Variants in BBS9 observed in about 807,000 individuals in gnomAD.
BBS9 encodes the protein Bardet-Biedl syndrome 9, also known as protein PTHB1.
BBS9 carries 89 observed loss-of-function variants against 117.7 expected under a neutral mutation model. The observed-to-expected ratio is 0.76, with a 90% CI of 0.64 to 0.90. BBS9 has a LOEUF of 0.90. Ranked by LOEUF, BBS9 falls within the 40% of genes least tolerant of loss-of-function variation. The pLI, the probability that BBS9 is intolerant of heterozygous loss-of-function variation, is 0.00. For missense variants in BBS9, 982 were observed against 1,042.2 expected (o/e 0.94, Z 0.80); for synonymous variants, 379 against 370.9 (o/e 1.02, Z -0.25).
chr7:33,227,371 C>G (rs1432893139), intron 5 of BBS9, among the ~76,000 whole-genome samples: 1 of 152,090 alleles, frequency 6.6e-6, no homozygotes, highest in Non-Finnish European at 1.5e-5. Context: ...TAGTCTCAAA[C>G]TCTTGACCTC....
intron 19 of BBS9, among the ~76,000 whole-genome samples, chr7:33,476,114 T>C (rs950308882): frequency 6.6e-6 from 1 of 152,244 alleles, no homozygotes; most frequent in African/African-American, 2.4e-5. Context: ...TTACAAAATT[T>C]ATAACATTTT....
intron 5 of BBS9, among the ~76,000 whole-genome samples, chr7:33,218,670 T>C (rs1389937769): frequency 6.6e-6 from 1 of 152,280 alleles, no homozygotes; most frequent in East Asian, 1.9e-4. Context: ...GCTAGTGTGC[T>C]AGCCCAAAGG....
chr7:33,262,323 G>A (rs1307221937), intron 6 of BBS9, among the ~76,000 whole-genome samples: 1 of 151,992 alleles, frequency 6.6e-6, no homozygotes, highest in Non-Finnish European at 1.5e-5. Flanking sequence ...AAAGAGTTTT[G>A]GACCTTTGTA....
intron 5 of BBS9, among the ~76,000 whole-genome samples, chr7:33,235,487 G>A (rs1004632032): frequency 2.6e-5 from 4 of 152,128 alleles, no homozygotes; most frequent in African/African-American, 9.7e-5. Context: ...AAAAAAAGCT[G>A]TTGACTGCCC....
chr7:33,449,688 A>G (rs760181965), intron 19 of BBS9, among the ~76,000 whole-genome samples: 1 of 152,194 alleles, frequency 6.6e-6, no homozygotes, highest in Admixed American at 6.5e-5. Flanking sequence ...ATCTTTCTGT[A>G]TGTAACCTGG....
At chr7:33,316,321 T>C (rs1458430336) in intron 9 of BBS9, among the ~76,000 whole-genome samples, 2 of 152,244 alleles carry the variant, frequency 1.3e-5, no homozygotes, top group Admixed American at 1.3e-4. Flanking sequence ...TGCTGAGTAG[T>C]GTTCCATTCA....
intron 21 of BBS9, among the ~76,000 whole-genome samples, chr7:33,625,223 A>G (rs897762720): frequency 2.0e-5 from 3 of 152,184 alleles, no homozygotes; most frequent in Non-Finnish European, 4.4e-5. Context: ...TATGACAGGA[A>G]GAATGAAAAT....
In BBS9 at chr7:33,260,593, A is replaced by G. The variant is rs181733788; in HGVS notation, c.617+3183A>G. Among the ~76,000 whole-genome samples the G allele has an allele frequency of 5.1e-3, 782 of 152,332 alleles. 9 individuals are homozygous for G. The highest frequency in any genetic ancestry group is 0.018 in the African/African-American group (742 of 41,574). On this transcript the variant is annotated intron_variant, in intron 6 of 22. Transcript: ENST00000242067. ...AATAATTCAGTTTGTTTATTCAGTCATTCATTCAGCAAATATTTTTCAACA... is the reference window on the plus strand; with the variant it reads ...AATAATTCAGTTTGTTTATTCAGTCGTTCATTCAGCAAATATTTTTCAACA...
intron 16 of BBS9, among the ~76,000 whole-genome samples, chr7:33,364,994 G>A (rs1821397433): frequency 6.6e-6 from 1 of 151,788 alleles, no homozygotes; most frequent in African/African-American, 2.4e-5. Context: ...CTCCCAGAGT[G>A]CTAGACTTAC....
intron 19 of BBS9, among the ~76,000 whole-genome samples, chr7:33,492,203 G>GAAAAAA (rs138972197): frequency 9.7e-5 from 7 of 72,396 alleles, no homozygotes; most frequent in African/African-American, 2.6e-4. Context: ...ATTCCACCTC[G>GAAAAAA]AAAAAAAAAA....
chr7:33,361,848 AAC>A (rs1820681449), intron 16 of BBS9, among the ~76,000 whole-genome samples: 1 of 152,100 alleles, frequency 6.6e-6, no homozygotes, highest in Admixed American at 6.5e-5. Flanking sequence ...TTTGTTCTCA[AAC>A]ACAGCTTCAG....
At chr7:33,493,414 A>G (rs778034520) in intron 19 of BBS9, among the ~76,000 whole-genome samples, 3 of 152,174 alleles carry the variant, frequency 2.0e-5, no homozygotes, top group Non-Finnish European at 4.4e-5. Flanking sequence ...CACAAATCTG[A>G]AATTCTTTTC....
At chr7:33,428,598 C>A (rs1833968597) in intron 19 of BBS9, among the ~76,000 whole-genome samples, 2 of 152,162 alleles carry the variant, frequency 1.3e-5, no homozygotes, top group South Asian at 4.1e-4. Context: ...GGTACACATT[C>A]CTCATCTAAA....
At chr7:33,387,415 T>C (rs1338990361) in intron 18 of BBS9, among the ~76,000 whole-genome samples, 1 of 152,210 alleles carries the variant, frequency 6.6e-6, no homozygotes, top group Non-Finnish European at 1.5e-5. Context: ...CATGACTTTG[T>C]CTCTGTAGTT....
In BBS9 at chr7:33,357,864, G is replaced by A. The variant is rs34218557; in HGVS notation, c.1562G>A (p.Arg521Gln). Residue 521 changes from arginine (R) to glutamine (Q), a missense_variant, in exon 16 of 23, where the codon CGA (arginine) becomes CAA (glutamine). Coordinates refer to ENST00000242067, the MANE Select transcript of BBS9 (RefSeq NM_198428.3). ...PTDRNPDGIP[R>Q]VIQCKFRLPL... is the part of the protein sequence containing the mutation. ...CTCTCTTTTATTTTAGGCATTCCGC[G>A]AGTTATCCAATGTAAATTTAGACTT... 2,730 of 1,611,742 alleles carry A rather than the reference G, an allele frequency of 1.7e-3. 37 individuals are homozygous for A. In the African/African-American group the frequency reaches 0.031, roughly 18 times the overall value.
chr7:33,179,988 A>C (rs148367508), intron 5 of BBS9, among the ~76,000 whole-genome samples: 88 of 152,246 alleles, frequency 5.8e-4, no homozygotes, highest in African/African-American at 2.0e-3. Context: ...ACCAGTTTTA[A>C]TCAGTAGTTC....
chr7:33,575,221 TC>T, intron 21 of BBS9, among the ~76,000 whole-genome samples: 1 of 152,250 alleles, frequency 6.6e-6, no homozygotes, highest in South Asian at 2.1e-4. Context: ...AGTATTCCTT[TC>T]AACTTTTTAG....
At chr7:33,265,336 T>C (rs1315309990) in intron 7 of BBS9, among the ~76,000 whole-genome samples, 3 of 152,260 alleles carry the variant, frequency 2.0e-5, no homozygotes, top group South Asian at 2.1e-4. Flanking sequence ...ATATTTTTTT[T>C]CATTGGTAGT....
At chr7:33,288,444 A>G (rs987809406) in intron 9 of BBS9, among the ~76,000 whole-genome samples, 3 of 152,148 alleles carry the variant, frequency 2.0e-5, no homozygotes, top group Non-Finnish European at 4.4e-5. Flanking sequence ...ACAAAATGTT[A>G]TTCTGGGAAT....
Sources: gnomAD v4.1 joint callset for allele counts (sites outside exome capture counted in the v4.1 genomes callset) on GRCh38, gnomAD v4.1.1 for gene constraint, MANE v1.5 for transcripts, NCBI Gene and HGNC (gene_info 2026-07-23, HGNC 2026-07-21) for gene names.